Variants in PRR16 observed in about 807,000 individuals in gnomAD.
PRR16 encodes proline rich 16, also known as protein Largen.
A neutral mutation model predicts 18.2 loss-of-function variants in PRR16; 6 were observed. The ratio of observed to expected loss-of-function variants is 0.33; its 90% confidence interval spans 0.18 to 0.65. The LOEUF (loss-of-function observed/expected upper bound fraction) is 0.65, where lower values mean the gene tolerates loss of function less well. Ranked by LOEUF, PRR16 falls within the 30% of genes least tolerant of loss-of-function variation. The pLI, the probability that PRR16 is intolerant of heterozygous loss-of-function variation, is 0.74. For synonymous variants in PRR16, 151 were observed against 147.8 expected (o/e 1.02, Z -0.16); for missense variants, 412 against 376.6 (o/e 1.09, Z -0.78).
chr5:120,672,527 G>A (rs934117425), intron 1 of PRR16, among the ~76,000 whole-genome samples: 26 of 100,956 alleles, frequency 2.6e-4, no homozygotes, highest in Admixed American at 1.8e-3. Context: ...AATAATTTAT[G>A]TTATAGATAT....
At chr5:120,595,573 T>G (rs1753773146) in intron 1 of PRR16, among the ~76,000 whole-genome samples, 1 of 151,912 alleles carries the variant, frequency 6.6e-6, no homozygotes, top group Admixed American at 6.6e-5. Context: ...TAAAAATAAC[T>G]ATTGGGTTAT....
chr5:120,635,108 G>T (rs972105689), intron 1 of PRR16, among the ~76,000 whole-genome samples: 61 of 152,024 alleles, frequency 4.0e-4, no homozygotes, highest in African/African-American at 1.4e-3. Context: ...AAGCAGTAAG[G>T]TTGAAATGGT....
At chr5:120,683,392 C>T (rs1422983572) in intron 1 of PRR16, among the ~76,000 whole-genome samples, 1 of 150,772 alleles carries the variant, frequency 6.6e-6, no homozygotes, top group African/African-American at 2.4e-5. Context: ...ATCCCAGCTA[C>T]TTGGGAGGCT....
chr5:120,554,124 G>A (rs1018850565), intron 1 of PRR16, among the ~76,000 whole-genome samples: 3 of 151,920 alleles, frequency 2.0e-5, no homozygotes, highest in African/African-American at 7.2e-5. Context: ...TTTAATGCTT[G>A]TGTGGAAAGA....
rs1757134553 is a variant in PRR16, at chr5:120,686,604, C to T, written c.810C>T (p.Ser270=). 6.2e-7 allele frequency: 1 copy of T among 1,613,360 alleles called. No homozygotes were observed. The highest frequency in any genetic ancestry group is 8.5e-7 in the Non-Finnish European group (1 of 1,179,630). The change falls in exon 2 of 2, where the codon AGC becomes AGT. Residue 270 remains serine, a synonymous_variant. Coordinates refer to ENST00000407149, the MANE Select transcript of PRR16 (RefSeq NM_001300783.2). ...TAGAAAATGGGGGAATGGGAATAAGCCACAGTAACAGCTTCCCCCCTATCA... is the reference window on the plus strand; with the variant it reads ...TAGAAAATGGGGGAATGGGAATAAGTCACAGTAACAGCTTCCCCCCTATCA... ...FPLENGGMGI[S]HSNSFPPIRP...
the PRR16 span, among the ~76,000 whole-genome samples, chr5:120,764,165 TC>T: frequency 7.9e-5 from 12 of 152,084 alleles, no homozygotes; most frequent in African/African-American, 2.2e-4. Context: ...CTTTCAGCTT[TC>T]CCTTTTCAGT....
chr5:120,644,504 A>G (rs1297386844), intron 1 of PRR16, among the ~76,000 whole-genome samples: 3 of 152,152 alleles, frequency 2.0e-5, no homozygotes, highest in Admixed American at 6.6e-5. Context: ...GTTAACACAG[A>G]CAGGGAGTGC....
chr5:120,533,958 C>A (rs1161873971), intron 1 of PRR16, among the ~76,000 whole-genome samples: 3 of 152,078 alleles, frequency 2.0e-5, no homozygotes, highest in Non-Finnish European at 2.9e-5. Flanking sequence ...GATTGGAGTT[C>A]AAGGTGAATT....
At chr5:120,669,170 G>T (rs1425781997) in intron 1 of PRR16, among the ~76,000 whole-genome samples, 1 of 152,128 alleles carries the variant, frequency 6.6e-6, no homozygotes, top group Non-Finnish European at 1.5e-5. Flanking sequence ...CCTTCAAGCA[G>T]ATTTGGTACA....
chr5:120,480,553 C>T (rs147249859), intron 1 of PRR16, among the ~76,000 whole-genome samples: 1 of 152,114 alleles, frequency 6.6e-6, no homozygotes, highest in South Asian at 2.1e-4. Flanking sequence ...GTAGTACTAT[C>T]TAATGGAGTT....
chr5:120,504,805 T>C (rs1378868030), intron 1 of PRR16, among the ~76,000 whole-genome samples: 2 of 152,152 alleles, frequency 1.3e-5, no homozygotes, highest in East Asian at 3.9e-4. Flanking sequence ...TTAGGTATAT[T>C]GAGTGCCAAA....
At chr5:120,659,038 C>T (rs1372107902) in intron 1 of PRR16, among the ~76,000 whole-genome samples, 1 of 151,768 alleles carries the variant, frequency 6.6e-6, no homozygotes, top group Non-Finnish European at 1.5e-5. Context: ...CATCATAGTT[C>T]TTTTAAGGTC....
At chr5:120,760,817 C>T in the PRR16 span, among the ~76,000 whole-genome samples, 1 of 152,068 alleles carries the variant, frequency 6.6e-6, no homozygotes, top group African/African-American at 2.4e-5. Flanking sequence ...GTTTGATATA[C>T]ATTACAGCAG....
intron 1 of PRR16, among the ~76,000 whole-genome samples, chr5:120,644,648 G>A (rs1296373780): frequency 1.3e-5 from 2 of 152,042 alleles, no homozygotes; most frequent in African/African-American, 2.4e-5. Flanking sequence ...TTTTTGAGAT[G>A]AAGTCCAGCA....
At chr5:120,488,549 A>G (rs1250087404) in intron 1 of PRR16, among the ~76,000 whole-genome samples, 3 of 151,884 alleles carry the variant, frequency 2.0e-5, no homozygotes, top group Non-Finnish European at 4.4e-5. Context: ...TTTCTTCTTT[A>G]TTAGCCTTGC....
At chr5:120,739,617 TAG>T in the PRR16 span, among the ~76,000 whole-genome samples, 4 of 152,298 alleles carry the variant, frequency 2.6e-5, no homozygotes, top group South Asian at 8.3e-4. Context: ...ACATTGTACA[TAG>T]GACGTCAACA....
intron 1 of PRR16, among the ~76,000 whole-genome samples, chr5:120,494,231 G>A (rs1478091679): frequency 6.6e-6 from 1 of 152,124 alleles, no homozygotes. Flanking sequence ...TATTCTGAGT[G>A]TAGTGCTACC....
chr5:120,619,982 T>A (rs552128426), intron 1 of PRR16, among the ~76,000 whole-genome samples: 25 of 152,238 alleles, frequency 1.6e-4, no homozygotes, highest in African/African-American at 5.8e-4. Context: ...TGAAAGTTAA[T>A]AAATTGAGTT....
At chr5:120,697,779 G>A in the PRR16 span, among the ~76,000 whole-genome samples, 1 of 152,082 alleles carries the variant, frequency 6.6e-6, no homozygotes, top group African/African-American at 2.4e-5. Context: ...TGCTTTTTGA[G>A]CCAGGATGAG....
Sources: gnomAD v4.1 joint callset for allele counts (sites outside exome capture counted in the v4.1 genomes callset) on GRCh38, gnomAD v4.1.1 for gene constraint, MANE v1.5 for transcripts, NCBI Gene and HGNC (gene_info 2026-07-23, HGNC 2026-07-21) for gene names.